ZNF804B: variants seen among roughly 807,000 people sequenced by gnomAD.
The protein encoded by ZNF804B is zinc finger 804B.
In ZNF804B, 80 loss-of-function variants were observed where a neutral mutation model predicts 101.4. The observed-to-expected ratio is 0.79, with a 90% CI of 0.66 to 0.95. The LOEUF (loss-of-function observed/expected upper bound fraction) is 0.95, where lower values mean the gene tolerates loss of function less well. Among genes scored for constraint, ZNF804B ranks in the 40% least tolerant of loss-of-function variants. ZNF804B has a pLI of 0.00. For missense variants in ZNF804B, 1,673 were observed against 1,561.9 expected (o/e 1.07, Z -1.20); for synonymous variants, 622 against 558.8 (o/e 1.11, Z -1.59).
At chr7:89,197,963 T>C (rs1451298004) in intron 1 of ZNF804B, among the ~76,000 whole-genome samples, 1 of 151,832 alleles carries the variant, frequency 6.6e-6, no homozygotes, top group Admixed American at 6.6e-5. Context: ...TATTAGTATG[T>C]TTCCACATAC....
At chr7:89,200,278 A>G (rs1788613048) in intron 1 of ZNF804B, among the ~76,000 whole-genome samples, 1 of 151,996 alleles carries the variant, frequency 6.6e-6, no homozygotes, top group African/African-American at 2.4e-5. Flanking sequence ...AGTTAACTAT[A>G]CATTATTTAA....
chr7:89,060,427 G>A (rs566342083), intron 1 of ZNF804B, among the ~76,000 whole-genome samples: 27 of 152,210 alleles, frequency 1.8e-4, no homozygotes, highest in African/African-American at 6.0e-4. Flanking sequence ...AATTATTATT[G>A]GTGCTATGAA....
intron 2 of ZNF804B, among the ~76,000 whole-genome samples, chr7:89,313,923 G>A (rs745373726): frequency 6.6e-5 from 10 of 151,812 alleles, no homozygotes; most frequent in Non-Finnish European, 8.8e-5. Context: ...CTGCTTTGTC[G>A]TTTCTCTTTA....
intron 1 of ZNF804B, among the ~76,000 whole-genome samples, chr7:89,060,884 A>T (rs1199263097): frequency 6.6e-6 from 1 of 152,132 alleles, no homozygotes; most frequent in Non-Finnish European, 1.5e-5. Flanking sequence ...CATTTGTGAA[A>T]TACATTTCTT....
intron 1 of ZNF804B, among the ~76,000 whole-genome samples, chr7:89,214,022 C>A (rs747214038): frequency 6.6e-6 from 1 of 152,132 alleles, no homozygotes; most frequent in Non-Finnish European, 1.5e-5. Flanking sequence ...AAAAAACATA[C>A]GTGTTTTACG....
intron 2 of ZNF804B, among the ~76,000 whole-genome samples, chr7:89,260,588 A>G (rs370528136): frequency 6.6e-6 from 1 of 152,010 alleles, no homozygotes; most frequent in Non-Finnish European, 1.5e-5. Context: ...TAATGACTTC[A>G]TTTTTTCTCA....
intron 1 of ZNF804B, among the ~76,000 whole-genome samples, chr7:88,821,732 T>C (rs1790984328): frequency 6.6e-6 from 1 of 152,168 alleles, no homozygotes; most frequent in African/African-American, 2.4e-5. Flanking sequence ...GAAACCACTA[T>C]AGTTTTAAAA....
intron 1 of ZNF804B, among the ~76,000 whole-genome samples, chr7:88,998,239 T>G (rs1788228186): frequency 6.6e-6 from 1 of 152,070 alleles, no homozygotes; most frequent in African/African-American, 2.4e-5. Context: ...TAATCCTGGC[T>G]AGCCTCTACT....
In ZNF804B at chr7:89,028,400, T is replaced by C. The variant is rs994137802; in HGVS notation, c.109-189755T>C. ...GAAAGCTCTAGAAAGGTAAACAAGA[T>C]TGCTGAGCAGCTTCAAACACCAGTT... On this transcript the variant is annotated intron_variant, in intron 1 of 3. Coordinates refer to ENST00000333190, the MANE Select transcript of ZNF804B (RefSeq NM_181646.5). Among the ~76,000 whole-genome samples, 14 of 152,248 alleles carry C rather than the reference T, an allele frequency of 9.2e-5. 1 individual carries two copies. Among genetic ancestry groups the C allele is most frequent in the Admixed American group, 3.9e-4 (6 of 15,276 alleles).
chr7:89,052,027 G>T (rs1283131402), intron 1 of ZNF804B, among the ~76,000 whole-genome samples: 1 of 152,004 alleles, frequency 6.6e-6, no homozygotes, highest in Non-Finnish European at 1.5e-5. Flanking sequence ...CAACTTAAAG[G>T]TTTTTTTGTT....
intron 1 of ZNF804B, among the ~76,000 whole-genome samples, chr7:88,760,819 A>G (rs1789883517): frequency 6.7e-6 from 1 of 149,650 alleles, no homozygotes; most frequent in Non-Finnish European, 1.5e-5. Context: ...GGTACATGCT[A>G]TTATGTTTTA....
Position 89,038,967 on chromosome 7 carries a change from TAA to T in ZNF804B, c.109-179185_109-179184del, listed in dbSNP as rs552611027. 9.1e-3 allele frequency among the ~76,000 whole-genome samples: 1,383 copies of T among 152,192 alleles called. 12 individuals carry two copies. Among genetic ancestry groups the T allele is most frequent in the Non-Finnish European group, 0.016 (1,098 of 67,944 alleles). On this transcript the variant is annotated intron_variant, in intron 1 of 3. Coordinates refer to ENST00000333190, the MANE Select transcript of ZNF804B (RefSeq NM_181646.5). The stretch of plus-strand genomic sequence containing the variant: ...ATTTTTACTGATGAACAATTGACCA[TAA>T]AAGTGATGACTTATTTTTAGGCTCT...
rs147889585 is a variant in ZNF804B at position 89,208,639 on chromosome 7, C to T, written c.109-9516C>T. 4.2e-3 allele frequency among the ~76,000 whole-genome samples: 644 copies of T among 152,240 alleles called. 3 individuals carry two copies. The highest frequency in any genetic ancestry group is 0.015 in the African/African-American group (613 of 41,556). On this transcript the variant is annotated intron_variant, in intron 1 of 3. Coordinates refer to ENST00000333190, the MANE Select transcript of ZNF804B (RefSeq NM_181646.5). The stretch of plus-strand genomic sequence containing the variant: ...CTGGTGGAGGAACTGTATATTAATT[C>T]ATGCTGAGGAAGATGAAATTGGTGG...
chr7:89,008,564 A>G (rs1200903669), intron 1 of ZNF804B, among the ~76,000 whole-genome samples: 2 of 152,110 alleles, frequency 1.3e-5, no homozygotes, highest in Admixed American at 1.3e-4. Context: ...CTGTCCCTCA[A>G]TCACTCACTG....
At chr7:89,314,663 G>A (rs573361365) in intron 2 of ZNF804B, among the ~76,000 whole-genome samples, 107 of 152,324 alleles carry the variant, frequency 7.0e-4, no homozygotes, top group African/African-American at 2.6e-3. Flanking sequence ...CTGATAGTTT[G>A]CTAAGTTACA....
intron 1 of ZNF804B, among the ~76,000 whole-genome samples, chr7:88,971,422 CTG>C (rs1203482664): frequency 6.6e-6 from 1 of 151,600 alleles, no homozygotes; most frequent in Non-Finnish European, 1.5e-5. Flanking sequence ...GTACAAAACT[CTG>C]AGATATATTC....
Position 89,007,444 on chromosome 7 carries a change from TTTTATATATATATATA to T in ZNF804B, c.109-210709_109-210694del, listed in dbSNP as rs1392249786. Among the ~76,000 whole-genome samples the T allele has an allele frequency of 1.4e-3, 69 of 47,706 alleles. 2 individuals carry two copies. The highest frequency in any genetic ancestry group is 6.6e-3 in the African/African-American group (66 of 10,024). 31.3% of individuals were successfully genotyped at this position (47,706 alleles called of 152,430 possible). A position where few individuals can be genotyped will look rare whatever the true frequency, so the allele number is the denominator to read the frequency against. On this transcript the variant is annotated intron_variant, in intron 1 of 3. Transcript: ENST00000333190. Reference sequence around the variant, plus strand: ...ACATGTTATCTAAAGTTATCCATGATTTTATATATATATATATATATATATATATATATATATATAT... The same window carrying T: ...ACATGTTATCTAAAGTTATCCATGATTATATATATATATATATATATATAT...
chr7:88,874,764 A>C (rs1410407050), intron 1 of ZNF804B, among the ~76,000 whole-genome samples: 2 of 152,108 alleles, frequency 1.3e-5, no homozygotes, highest in Non-Finnish European at 2.9e-5. Context: ...ACAGAAAGTC[A>C]ACAAGGATAC....
At chr7:88,760,186 A>G (rs1789873162) in intron 1 of ZNF804B, 102 bp downstream of exon 1, 1 of 929,392 alleles carries the variant, frequency 1.1e-6, no homozygotes, top group Non-Finnish European at 1.7e-6. Context: ...TAGGTGGTGG[A>G]CATCTAAAAC....
Sources: allele counts gnomAD v4.1 joint callset (sites outside exome capture counted in the v4.1 genomes callset), GRCh38; gene constraint gnomAD v4.1.1; transcripts MANE v1.5; gene names NCBI Gene and HGNC (gene_info 2026-07-23, HGNC 2026-07-21).